The following GAS2 variants were observed in gnomAD, a reference collection of about 807,000 sequenced individuals.
GAS2 encodes growth arrest-specific protein 2.
Under a neutral mutation model 37.5 loss-of-function variants are expected in GAS2, and 20 were observed. The ratio of observed to expected loss-of-function variants is 0.53; its 90% CI spans 0.37 to 0.77. The LOEUF (loss-of-function observed/expected upper bound fraction) is 0.77, where lower values mean the gene tolerates loss of function less well. Ranked by LOEUF, GAS2 falls within the 30% of genes least tolerant of loss-of-function variation. The probability of loss-of-function intolerance (pLI) is 0.00; values close to 1 mark genes in which losing one functional copy is unlikely to be tolerated. For missense variants in GAS2, 336 were observed against 373.4 expected (o/e 0.90, Z 0.82); for synonymous variants, 144 against 132.2 (o/e 1.09, Z -0.61).
At chr11:22,632,068 G>T (rs1858752178) in intron 1 of GAS2, among the ~76,000 whole-genome samples, 1 of 150,328 alleles carries the variant, frequency 6.7e-6, no homozygotes, top group Non-Finnish European at 1.5e-5. Context: ...TGTGTTTCAA[G>T]AAATGTATTC....
intron 7 of GAS2, among the ~76,000 whole-genome samples, chr11:22,757,914 G>A (rs905955918): frequency 6.6e-6 from 1 of 152,066 alleles, no homozygotes; most frequent in Non-Finnish European, 1.5e-5. Flanking sequence ...ATCCGTGGAG[G>A]CTTAAAAATT....
At chr11:22,806,309 T>C (rs374561371) in intron 7 of GAS2, among the ~76,000 whole-genome samples, 54 of 152,266 alleles carry the variant, frequency 3.5e-4, no homozygotes, top group African/African-American at 1.3e-3. Context: ...TAGTATTCCA[T>C]TATGTATATA....
intron 4 of GAS2, among the ~76,000 whole-genome samples, chr11:22,732,751 G>A (rs11026760): frequency 1.0e-4 from 15 of 149,920 alleles, no homozygotes; most frequent in Non-Finnish European, 2.1e-4. Context: ...TCCAACATTC[G>A]CATTATTTCC....
At chr11:22,754,905 T>C (rs1853942581) in intron 6 of GAS2, among the ~76,000 whole-genome samples, 1 of 152,176 alleles carries the variant, frequency 6.6e-6, no homozygotes, top group South Asian at 2.1e-4. Context: ...AGCTTCTAAA[T>C]TCAGACTGCA....
At chr11:22,686,162 T>G (rs963295460) in intron 3 of GAS2, among the ~76,000 whole-genome samples, 3 of 152,162 alleles carry the variant, frequency 2.0e-5, no homozygotes, top group African/African-American at 7.2e-5. Flanking sequence ...TTCAAAAATA[T>G]TATGGCAGAA....
intron 2 of GAS2, among the ~76,000 whole-genome samples, chr11:22,679,299 T>G (rs1394268382): frequency 6.6e-6 from 1 of 152,132 alleles, no homozygotes; most frequent in East Asian, 1.9e-4. Context: ...TGTTGCCTAT[T>G]GTACATTAAA....
At chr11:22,745,425 C>T (rs1853337728) in intron 5 of GAS2, among the ~76,000 whole-genome samples, 1 of 152,066 alleles carries the variant, frequency 6.6e-6, no homozygotes, top group African/African-American at 2.4e-5. Context: ...AAGAATGAAA[C>T]TGGATCCATA....
intron 7 of GAS2, among the ~76,000 whole-genome samples, chr11:22,786,539 A>G (rs372489629): frequency 6.6e-5 from 10 of 152,174 alleles, no homozygotes; most frequent in African/African-American, 2.4e-4. Flanking sequence ...TATTAGTAAT[A>G]AGTCATATCT....
At chr11:22,654,203 A>T (rs1221285449) in intron 1 of GAS2, among the ~76,000 whole-genome samples, 1 of 152,228 alleles carries the variant, frequency 6.6e-6, no homozygotes, top group Non-Finnish European at 1.5e-5. Context: ...ATTTTACAAC[A>T]ATAGTAACTG....
intron 3 of GAS2, among the ~76,000 whole-genome samples, chr11:22,721,131 A>T (rs1851927717): frequency 6.6e-6 from 1 of 151,966 alleles, no homozygotes; most frequent in Non-Finnish European, 1.5e-5. Context: ...TTTGAGAATT[A>T]AATGGGACAA....
chr11:22,673,155 C>A (rs776912076), intron 1 of GAS2, among the ~76,000 whole-genome samples: 2 of 152,088 alleles, frequency 1.3e-5, no homozygotes, highest in Non-Finnish European at 2.9e-5. Context: ...CTTACTCATA[C>A]TCCCAACAGT....
At chr11:22,634,750 C>T (rs1398413534) in intron 1 of GAS2, among the ~76,000 whole-genome samples, 1 of 152,124 alleles carries the variant, frequency 6.6e-6, no homozygotes, top group African/African-American at 2.4e-5. Flanking sequence ...TCTAATCTCA[C>T]AGTAGTGGGT....
intron 7 of GAS2, among the ~76,000 whole-genome samples, chr11:22,762,918 A>G (rs1854474999): frequency 6.6e-6 from 1 of 152,120 alleles, no homozygotes; most frequent in African/African-American, 2.4e-5. Context: ...TCTCTTGCTA[A>G]TTGTAGTTAT....
chr11:22,680,432 G>A (rs1849625225), intron 2 of GAS2, among the ~76,000 whole-genome samples: 1 of 152,076 alleles, frequency 6.6e-6, no homozygotes, highest in South Asian at 2.1e-4. Context: ...TGAAACTTTT[G>A]TCTCAAAATA....
intron 4 of GAS2, among the ~76,000 whole-genome samples, chr11:22,732,966 A>G (rs1204160781): frequency 6.6e-6 from 1 of 151,738 alleles, no homozygotes; most frequent in Non-Finnish European, 1.5e-5. Flanking sequence ...TAGTGTATAT[A>G]CACATCACCT....
chr11:22,753,475 A>G (rs1208013287), intron 6 of GAS2, among the ~76,000 whole-genome samples: 1 of 152,146 alleles, frequency 6.6e-6, no homozygotes, highest in Admixed American at 6.6e-5. Flanking sequence ...AGACTGCAAA[A>G]TGGAATTACT....
chr11:22,651,057 C>T (rs1408434619), intron 1 of GAS2, among the ~76,000 whole-genome samples: 11 of 152,156 alleles, frequency 7.2e-5, no homozygotes, highest in East Asian at 1.9e-4. Flanking sequence ...CAGCTGGTAT[C>T]GGTTGTTCCT....
intron 3 of GAS2, among the ~76,000 whole-genome samples, chr11:22,701,158 C>T (rs1472824388): frequency 6.6e-6 from 1 of 152,000 alleles, no homozygotes; most frequent in Non-Finnish European, 1.5e-5. Flanking sequence ...ATACTGCTAT[C>T]GACTTTCTGA....
intron 7 of GAS2, among the ~76,000 whole-genome samples, chr11:22,772,912 G>T (rs1418794713): frequency 6.6e-6 from 1 of 152,130 alleles, no homozygotes; most frequent in Non-Finnish European, 1.5e-5. Flanking sequence ...AATGCCCAAA[G>T]AAATAATCTG....
Sources: gnomAD v4.1 joint callset for allele counts (sites outside exome capture counted in the v4.1 genomes callset) on GRCh38, gnomAD v4.1.1 for gene constraint, MANE v1.5 for transcripts, NCBI Gene and HGNC (gene_info 2026-07-23, HGNC 2026-07-21) for gene names.